The following CRPPA variants were observed in gnomAD, a reference collection of about 807,000 sequenced individuals.
The protein encoded by CRPPA is D-ribitol-5-phosphate cytidylyltransferase.
CRPPA carries 43 observed loss-of-function variants against 52.0 expected under a neutral mutation model. That is an observed-to-expected ratio of 0.83 (90% confidence interval 0.65 to 1.07). The LOEUF (loss-of-function observed/expected upper bound fraction) is 1.07, where lower values mean the gene tolerates loss of function less well. Among genes scored for constraint, CRPPA ranks in the 50% least tolerant of loss-of-function variants. The probability of loss-of-function intolerance (pLI) is 0.00; values close to 1 mark genes in which losing one functional copy is unlikely to be tolerated. For synonymous variants in CRPPA, 250 were observed against 203.5 expected (o/e 1.23, Z -1.94); for missense variants, 629 against 551.7 (o/e 1.14, Z -1.40).
intron 8 of CRPPA, among the ~76,000 whole-genome samples, chr7:16,239,945 T>C (rs1043742430): frequency 6.6e-6 from 1 of 152,128 alleles, no homozygotes. Flanking sequence ...TTCCATTCTA[T>C]CTGAAAATAA....
intron 8 of CRPPA, among the ~76,000 whole-genome samples, chr7:16,245,047 T>TAA (rs35768406): frequency 2.9e-4 from 41 of 142,438 alleles, no homozygotes; most frequent in Middle Eastern, 3.6e-3. Context: ...GTCTTACATT[T>TAA]AAAAAAAAAA....
intron 3 of CRPPA, among the ~76,000 whole-genome samples, chr7:16,354,305 A>C (rs1189522700): frequency 6.6e-6 from 1 of 152,180 alleles, no homozygotes; most frequent in Non-Finnish European, 1.5e-5. Flanking sequence ...CACTTTTATC[A>C]CGTTATTCTG....
chr7:16,324,795 G>C (rs1583519662), intron 3 of CRPPA, among the ~76,000 whole-genome samples: 1 of 152,222 alleles, frequency 6.6e-6, no homozygotes, highest in African/African-American at 2.4e-5. Flanking sequence ...CATGGAGTCT[G>C]CAATCTTTGA....
At chr7:16,321,497 G>T (rs1327080497) in intron 3 of CRPPA, among the ~76,000 whole-genome samples, 3 of 152,084 alleles carry the variant, frequency 2.0e-5, no homozygotes, top group Admixed American at 2.0e-4. Flanking sequence ...CAAAGGAAAG[G>T]TGTGGTTTAT....
intron 9 of CRPPA, among the ~76,000 whole-genome samples, chr7:16,209,953 A>C (rs1438308532): frequency 6.6e-6 from 1 of 152,184 alleles, no homozygotes; most frequent in Non-Finnish European, 1.5e-5. Flanking sequence ...TTTCACTTAC[A>C]TGCAATTTCC....
At chr7:16,279,510 A>G (rs916520056) in intron 5 of CRPPA, among the ~76,000 whole-genome samples, 8 of 152,198 alleles carry the variant, frequency 5.3e-5, no homozygotes, top group African/African-American at 1.7e-4. Context: ...TTCAAATCCA[A>G]AAAAATAAAT....
rs1360305765 is a variant in CRPPA at position 16,403,525 on chromosome 7, A to T, written c.534+2536T>A. 2.6e-5 allele frequency among the ~76,000 whole-genome samples: 4 copies of T among 152,298 alleles called. No homozygotes were observed. In the East Asian group the frequency reaches 7.7e-4, roughly 29 times the overall value. The stretch of plus-strand genomic sequence containing the variant: ...ATGTGTGTGAAGGGGACCTTTAGGT[A>T]GAACCTGAAAATTAATACCTAGGAA... On this transcript the variant is annotated intron_variant, in intron 2 of 9. Transcript: ENST00000407010.
In CRPPA at chr7:16,215,056, G is replaced by T. The variant is rs1782267213; in HGVS notation, c.1251+1010C>A. On this transcript the variant is annotated intron_variant, in intron 9 of 9. Transcript: ENST00000407010. ...ACCTTTAAGTTAAAACAAAACCAAG[G>T]GATTAGCTAAAAGATGGTCCTTATA... 2.0e-5 allele frequency among the ~76,000 whole-genome samples: 3 copies of T among 152,018 alleles called. No individual in the cohort carries two copies. The South Asian group carries it at 6.2e-4, about 32-fold the overall frequency.
chr7:16,168,421 A>T (rs969370058), intron 9 of CRPPA, among the ~76,000 whole-genome samples: 4 of 152,132 alleles, frequency 2.6e-5, no homozygotes, highest in Non-Finnish European at 4.4e-5. Context: ...TATATGATGG[A>T]TAAAACTATT....
chr7:16,170,034 C>T (rs763034518), intron 9 of CRPPA, among the ~76,000 whole-genome samples: 14 of 152,006 alleles, frequency 9.2e-5, no homozygotes, highest in South Asian at 2.1e-4. Flanking sequence ...AAAGTAATTG[C>T]GGTTTTAATA....
chr7:16,228,698 T>C (rs1782713099), intron 8 of CRPPA, among the ~76,000 whole-genome samples: 1 of 149,650 alleles, frequency 6.7e-6, no homozygotes, highest in Admixed American at 6.6e-5. Context: ...TTAACACTTG[T>C]TTCATAGCCT....
chr7:16,126,941 C>T (rs750940269), intron 9 of CRPPA, among the ~76,000 whole-genome samples: 2 of 152,076 alleles, frequency 1.3e-5, no homozygotes, highest in Non-Finnish European at 2.9e-5. Flanking sequence ...TAGTATGCTA[C>T]AAGACTCAGA....
intron 9 of CRPPA, among the ~76,000 whole-genome samples, chr7:16,122,379 G>C (rs1782496258): frequency 6.6e-6 from 1 of 151,882 alleles, no homozygotes; most frequent in South Asian, 2.1e-4. Context: ...CCAATGAAAA[G>C]AATGAGAGAC....
At chr7:16,278,039 T>C (rs755727129) in intron 6 of CRPPA, 90 bp downstream of exon 6, 40 of 713,328 alleles carry the variant, frequency 5.6e-5, no homozygotes, top group Non-Finnish European at 9.0e-5. Flanking sequence ...ATTAAGGGAT[T>C]TTTATGGGTT....
At chr7:16,363,670 C>T (rs1043229897) in intron 3 of CRPPA, among the ~76,000 whole-genome samples, 2 of 152,076 alleles carry the variant, frequency 1.3e-5, no homozygotes, top group African/African-American at 4.8e-5. Flanking sequence ...GAAACAGTCT[C>T]TTTAGTGATG....
At chr7:16,091,912 A>C (rs1162479471) in intron 9 of CRPPA, 113 bp from the exon 10 acceptor site, 5 of 553,636 alleles carry the variant, frequency 9.0e-6, no homozygotes, top group African/African-American at 7.9e-5. Flanking sequence ...GCATTTTAGA[A>C]ACTCAGACTC....
chr7:16,286,957 A>G (rs762795358), intron 5 of CRPPA, among the ~76,000 whole-genome samples: 28 of 152,314 alleles, frequency 1.8e-4, no homozygotes, highest in Non-Finnish European at 3.2e-4. Flanking sequence ...ATGCACCAAA[A>G]GAGCCATACC....
chr7:16,176,936 T>C (rs984099521), intron 9 of CRPPA, among the ~76,000 whole-genome samples: 1 of 152,178 alleles, frequency 6.6e-6, no homozygotes, highest in Non-Finnish European at 1.5e-5. Flanking sequence ...AGTAAATCAT[T>C]ATATGGTATA....
At chr7:16,418,357 T>C (rs535372226) in intron 1 of CRPPA, among the ~76,000 whole-genome samples, 1 of 152,348 alleles carries the variant, frequency 6.6e-6, no homozygotes, top group South Asian at 2.1e-4. Context: ...TAAGTAAAAG[T>C]AGAAGACAAA....
Sources: allele counts gnomAD v4.1 joint callset (sites outside exome capture counted in the v4.1 genomes callset), GRCh38; gene constraint gnomAD v4.1.1; transcripts MANE v1.5; gene names NCBI Gene and HGNC (gene_info 2026-07-23, HGNC 2026-07-21).